ECT2L: variants seen among roughly 807,000 people sequenced by gnomAD.
The protein encoded by ECT2L is epithelial cell-transforming sequence 2 oncogene-like.
ECT2L carries 126 observed loss-of-function variants against 122.8 expected under a neutral mutation model. The ratio of observed to expected loss-of-function variants is 1.03; its 90% CI spans 0.89 to 1.19. The LOEUF (loss-of-function observed/expected upper bound fraction) is 1.19, where lower values mean the gene tolerates loss of function less well. Ranked by LOEUF, ECT2L falls within the 50% of genes most tolerant of loss-of-function variation. The probability of loss-of-function intolerance (pLI) is 0.00; values close to 1 mark genes in which losing one functional copy is unlikely to be tolerated. For missense variants in ECT2L, 1,012 were observed against 1,064.1 expected, an observed-to-expected ratio of 0.95 and a Z score of 0.68; for synonymous variants, 385 against 381.8, an observed-to-expected ratio of 1.01 and a Z score of -0.10.
chr6:138,841,351 GT>G (rs1259007617), intron 5 of ECT2L, among the ~76,000 whole-genome samples: 1 of 152,196 alleles, frequency 6.6e-6, no homozygotes, highest in Non-Finnish European at 1.5e-5. Flanking sequence ...TCTGGGTGAT[GT>G]TTTCTTCCTC....
intron 9 of ECT2L, among the ~76,000 whole-genome samples, chr6:138,853,809 T>G (rs907132225): frequency 1.3e-5 from 2 of 152,158 alleles, no homozygotes; most frequent in African/African-American, 2.4e-5. Flanking sequence ...GTCGTAAACC[T>G]GAGTGCATAG....
chr6:138,848,081 G>C (rs1267517680), intron 8 of ECT2L, among the ~76,000 whole-genome samples: 2 of 152,154 alleles, frequency 1.3e-5, no homozygotes, highest in Non-Finnish European at 2.9e-5. Flanking sequence ...AACTCACTCA[G>C]TGTCATGAGA....
At chr6:138,886,743 A>AT in intron 18 of ECT2L, 114 bp from the exon 19 acceptor site, 1 of 764,320 alleles carries the variant, frequency 1.3e-6, no homozygotes, top group East Asian at 2.7e-5. Flanking sequence ...TTCTATTATA[A>AT]CATATGAAAA....
intron 1 of ECT2L, among the ~76,000 whole-genome samples, chr6:138,804,417 G>T (rs1007707873): frequency 2.0e-5 from 3 of 152,058 alleles, no homozygotes; most frequent in Non-Finnish European, 4.4e-5. Context: ...CTGTTCCACA[G>T]GTTTTGTTGT....
intron 20 of ECT2L, among the ~76,000 whole-genome samples, chr6:138,898,939 T>C (rs1273899815): frequency 5.9e-5 from 9 of 152,086 alleles, no homozygotes; most frequent in Non-Finnish European, 7.4e-5. Flanking sequence ...TTAACAATAT[T>C]TAATAAAATA....
chr6:138,893,610 C>T (rs1479618406), intron 20 of ECT2L, among the ~76,000 whole-genome samples: 3 of 151,750 alleles, frequency 2.0e-5, no homozygotes, highest in African/African-American at 4.8e-5. Flanking sequence ...TTAGTAGAGA[C>T]GGGGTTTTAC....
intron 4 of ECT2L, among the ~76,000 whole-genome samples, chr6:138,837,110 A>G (rs1026571258): frequency 1.4e-4 from 21 of 152,162 alleles, no homozygotes; most frequent in African/African-American, 5.1e-4. Context: ...ACGTGTACAT[A>G]TACAGCCATC....
At chr6:138,892,134 C>T (rs1008409365) in intron 20 of ECT2L, among the ~76,000 whole-genome samples, 3 of 152,156 alleles carry the variant, frequency 2.0e-5, no homozygotes, top group African/African-American at 7.2e-5. Context: ...GGTCCCTACC[C>T]GATACCCCTA....
At chr6:138,882,925 A>G (rs1778693075) in intron 16 of ECT2L, 54 bp downstream of exon 16, 1 of 1,581,662 alleles carries the variant, frequency 6.3e-7, no homozygotes, top group Admixed American at 1.7e-5. Flanking sequence ...AAAGGAAGTT[A>G]CGTGTGGAAC....
At chr6:138,863,294 C>A (rs1777904769) in intron 11 of ECT2L, among the ~76,000 whole-genome samples, 1 of 152,180 alleles carries the variant, frequency 6.6e-6, no homozygotes, top group South Asian at 2.1e-4. Flanking sequence ...TTAAAACACC[C>A]TTGATTCCTA....
At chr6:138,816,289 T>C (rs1186905737) in intron 4 of ECT2L, among the ~76,000 whole-genome samples, 5 of 152,220 alleles carry the variant, frequency 3.3e-5, no homozygotes, top group Non-Finnish European at 7.3e-5. Flanking sequence ...AACTCAGGCC[T>C]GACTTTTTGT....
chr6:138,865,090 C>G lies in ECT2L; in HGVS notation c.1386C>G (p.Asp462Glu). 1 of 1,614,146 alleles carries G rather than the reference C, an allele frequency of 6.2e-7. No individual in the cohort carries two copies. The highest frequency in any genetic ancestry group is 8.5e-7 in the Non-Finnish European group (1 of 1,180,010). ...TACAGACGTGGTCCAGCTTCACAGA[C>G]TTCCTAGAAGAAACCTTGAAAACAG... is the stretch of plus-strand genomic sequence containing the variant. Reference protein sequence around the residue: ...SKLQTWSSFTDFLEETLKTVR... With the variant: ...SKLQTWSSFTEFLEETLKTVR... The change falls in exon 12 of 22, where the codon GAC becomes GAG. Residue 462 changes from aspartate to glutamate, a missense_variant. Asp to Glu is a conservative substitution (Grantham distance 45). Coordinates refer to ENST00000541398, the MANE Select transcript of ECT2L (RefSeq NM_001077706.3).
chr6:138,813,315 T>C lies in ECT2L; in HGVS notation c.41T>C (p.Phe14Ser), dbSNP rs961044495. ...ACCAGATTTAGTGCCTGGACACCTT[T>C]TAGCAACAAGTCATTAAATAGACAG... Reference protein sequence around the residue: ...FHTRFSAWTPFSNKSLNRQLF... With the variant: ...FHTRFSAWTPSSNKSLNRQLF... Residue 14 changes from phenylalanine to serine, a missense_variant, in exon 3 of 22, where the codon TTT becomes TCT. Phe to Ser is a radical substitution (Grantham distance 155, BLOSUM62 -2). Transcript: ENST00000541398. 2 of 1,612,102 alleles carry C rather than the reference T, an allele frequency of 1.2e-6. No homozygotes were observed. The highest frequency in any genetic ancestry group is 1.7e-6 in the Non-Finnish European group (2 of 1,179,564).
chr6:138,828,392 A>T (rs1776530508), intron 4 of ECT2L, among the ~76,000 whole-genome samples: 1 of 152,138 alleles, frequency 6.6e-6, no homozygotes, highest in Admixed American at 6.6e-5. Flanking sequence ...GGTTTCCCAC[A>T]GTCTGCATTT....
chr6:138,816,336 C>A (rs889457517), intron 4 of ECT2L, among the ~76,000 whole-genome samples: 1 of 152,028 alleles, frequency 6.6e-6, no homozygotes, highest in Non-Finnish European at 1.5e-5. Context: ...TAACTGAATT[C>A]TTTTTTCTGT....
chr6:138,865,304 TC>T, intron 12 of ECT2L, 126 bp downstream of exon 12: 2 of 874,854 alleles, frequency 2.3e-6, no homozygotes, highest in South Asian at 5.2e-5. Context: ...AAATTTTATC[TC>T]CTAGGTTGCT....
chr6:138,886,290 T>C (rs79113847), intron 18 of ECT2L, among the ~76,000 whole-genome samples: 4,395 of 152,318 alleles, frequency 0.029, 236 homozygotes, highest in African/African-American at 0.1. Flanking sequence ...TTGTGCATAC[T>C]GTAAACAGGC....
intron 4 of ECT2L, among the ~76,000 whole-genome samples, chr6:138,827,300 A>G (rs1776484018): frequency 1.3e-5 from 2 of 152,070 alleles, no homozygotes; most frequent in Non-Finnish European, 2.9e-5. Context: ...GTGAGCTGAG[A>G]TCGTGCCATT....
chr6:138,831,976 C>G (rs1583567986), intron 4 of ECT2L, among the ~76,000 whole-genome samples: 1 of 152,126 alleles, frequency 6.6e-6, no homozygotes, highest in Non-Finnish European at 1.5e-5. Context: ...TTGTATGCTG[C>G]ATGAAACTCT....
Sources: allele counts gnomAD v4.1 joint callset (sites outside exome capture counted in the v4.1 genomes callset), GRCh38; gene constraint gnomAD v4.1.1; transcripts MANE v1.5; gene names NCBI Gene and HGNC (gene_info 2026-07-23, HGNC 2026-07-21).